Variants in AFAP1L2 observed in about 807,000 individuals in gnomAD.
The protein encoded by AFAP1L2 is actin filament-associated protein 1-like 2.
A neutral mutation model predicts 99.3 loss-of-function variants in AFAP1L2; 46 were observed. That is an observed-to-expected ratio of 0.46 (90% CI 0.37 to 0.59). The LOEUF is 0.59. Ranked by LOEUF, AFAP1L2 falls within the 20% of genes least tolerant of loss-of-function variation. The pLI is 0.00. For synonymous variants in AFAP1L2, 397 were observed against 419.1 expected, an observed-to-expected ratio of 0.95 and a Z score of 0.64; for missense variants, 959 against 1,034.9, an observed-to-expected ratio of 0.93 and a Z score of 1.01.
intron 5 of AFAP1L2, among the ~76,000 whole-genome samples, chr10:114,319,064 G>T (rs2044649722): frequency 6.6e-6 from 1 of 152,118 alleles, no homozygotes; most frequent in South Asian, 2.1e-4. Flanking sequence ...GGAGACAGGA[G>T]AATCCCTTGA....
chr10:114,316,798 T>C (rs1275559737), intron 5 of AFAP1L2, among the ~76,000 whole-genome samples: 2 of 152,198 alleles, frequency 1.3e-5, no homozygotes, highest in African/African-American at 4.8e-5. Flanking sequence ...AAGCAGGACA[T>C]GGAGGAAAGG....
At chr10:114,360,036 A>G (rs1166115802) in intron 1 of AFAP1L2, among the ~76,000 whole-genome samples, 1 of 152,240 alleles carries the variant, frequency 6.6e-6, no homozygotes, top group Admixed American at 6.5e-5. Flanking sequence ...CAGGGTGCCC[A>G]GGCATTTGGT....
Position 114,295,857 on chromosome 10 carries a change from A to ATTAT in AFAP1L2, c.*181_*184dup. ...TCCAAAGAAGCCTCCTTTTTGTTGT[A>ATTAT]TTATTTCCTTTGGCTCTGAAAAGGG... On this transcript the variant is annotated 3_prime_UTR_variant, in exon 19 of 19. Coordinates refer to ENST00000304129, the MANE Select transcript of AFAP1L2 (RefSeq NM_001001936.3). 27 of 1,434,792 alleles carry ATTAT rather than the reference A, an allele frequency of 1.9e-5. No individual in the cohort carries two copies. The highest frequency in any genetic ancestry group is 2.5e-5 in the Non-Finnish European group (27 of 1,098,088). The allele number at this position is 1,434,792 out of a possible 1,614,324, so 88.9% of individuals were successfully genotyped here.
chr10:114,351,899 T>C (rs2050557771), intron 1 of AFAP1L2, among the ~76,000 whole-genome samples: 2 of 152,176 alleles, frequency 1.3e-5, no homozygotes, highest in Admixed American at 6.5e-5. Context: ...CTTGGCTCAC[T>C]CTTGGCTGCA....
At chr10:114,296,405 T>G (rs1034224579) in intron 18 of AFAP1L2, 1 of 318,766 alleles carries the variant, frequency 3.1e-6, no homozygotes, top group African/African-American at 2.1e-5. Flanking sequence ...GAGCAGAATT[T>G]GCCAAAAGCA....
chr10:114,396,521 C>T (rs934080187), intron 1 of AFAP1L2, among the ~76,000 whole-genome samples: 10 of 152,128 alleles, frequency 6.6e-5, no homozygotes, highest in African/African-American at 1.9e-4. Flanking sequence ...TGTGTTATTT[C>T]GATAAATCAT....
rs758281865 is a variant in AFAP1L2 at position 114,301,354 on chromosome 10, C to T, written c.1542G>A (p.Ala514=). Residue 514 remains alanine, a splice_region_variant and synonymous_variant, in exon 13 of 19, where the codon GCG becomes GCA. Coordinates refer to ENST00000304129, the MANE Select transcript of AFAP1L2 (RefSeq NM_001001936.3). The part of the protein sequence containing the change: ...DDVDLSELTA[A]VEPTEEATPV... ...GGCCACTGCCTGGCCGGGTCCTTACCGCAGCTGTGAGCTCTGACAGGTCCA... is the reference window on the plus strand; with the variant it reads ...GGCCACTGCCTGGCCGGGTCCTTACTGCAGCTGTGAGCTCTGACAGGTCCA... 3.0e-5 allele frequency: 48 copies of T among 1,613,284 alleles called. No homozygotes were observed. The highest frequency in any genetic ancestry group is 3.3e-5 in the Non-Finnish European group (39 of 1,179,316).
the AFAP1L2 span, chr10:114,286,141 C>T: frequency 1.2e-6 from 2 of 1,614,082 alleles, no homozygotes; most frequent in South Asian, 1.1e-5. Flanking sequence ...TGGGGGAGTA[C>T]CAGGATGTGC....
the AFAP1L2 span, chr10:114,284,866 C>A: frequency 7.5e-6 from 12 of 1,607,722 alleles, no homozygotes; most frequent in Non-Finnish European, 9.3e-6. Flanking sequence ...CTGATAGGCC[C>A]CTGTGACTCG....
intron 1 of AFAP1L2, among the ~76,000 whole-genome samples, chr10:114,381,410 G>T (rs1271649220): frequency 6.6e-6 from 1 of 152,130 alleles, no homozygotes; most frequent in Non-Finnish European, 1.5e-5. Flanking sequence ...ATGAAGGGGT[G>T]ATCAATAAAA....
At chr10:114,364,056 CTAGT>C (rs1403061912) in intron 1 of AFAP1L2, among the ~76,000 whole-genome samples, 2 of 152,196 alleles carry the variant, frequency 1.3e-5, no homozygotes, top group Non-Finnish European at 2.9e-5. Flanking sequence ...TGCTGTGGGG[CTAGT>C]TAAAGGTTAA....
At chr10:114,385,254 G>C (rs1434346995) in intron 1 of AFAP1L2, among the ~76,000 whole-genome samples, 1 of 152,158 alleles carries the variant, frequency 6.6e-6, no homozygotes, top group Non-Finnish European at 1.5e-5. Context: ...CGTTTTAGGA[G>C]AGGCTATTTC....
intron 1 of AFAP1L2, among the ~76,000 whole-genome samples, chr10:114,367,830 GCA>G (rs2053512070): frequency 6.6e-6 from 1 of 152,140 alleles, no homozygotes; most frequent in Admixed American, 6.6e-5. Context: ...ATGGGAAGGC[GCA>G]CACAAATTTA....
chr10:114,310,391 T>A lies in AFAP1L2; in HGVS notation c.845A>T (p.Gln282Leu). 1 of 1,614,002 alleles carries A rather than the reference T, an allele frequency of 6.2e-7. No homozygotes were observed. The change falls in exon 8 of 19, where the codon CAG (glutamine) becomes CTG (leucine). Residue 282 changes from glutamine (Q) to leucine (L), a missense_variant. Around this residue, in one of 2 missense-constraint regions of AFAP1L2, gnomAD observed 383 missense variants for 472.8 expected, o/e 0.81. Transcript: ENST00000304129. ...LPSEGASEGNQYTPDAQRFNC... is the reference protein window; with the variant it reads ...LPSEGASEGNLYTPDAQRFNC... ...AAAGCGCTGGGCATCCGGGGTGTAC[T>A]GGTTTCCTTCAGATGCTCCTTCGGA...
intron 4 of AFAP1L2, among the ~76,000 whole-genome samples, chr10:114,326,274 C>T (rs759159754): frequency 2.6e-5 from 4 of 152,158 alleles, no homozygotes; most frequent in Admixed American, 1.3e-4. Flanking sequence ...CTTCAGGCAC[C>T]GTTTTCTCCC....
At chr10:114,326,846 T>C (rs1443074063) in intron 4 of AFAP1L2, among the ~76,000 whole-genome samples, 2 of 152,006 alleles carry the variant, frequency 1.3e-5, no homozygotes, top group African/African-American at 2.4e-5. Context: ...CAATACATAT[T>C]AGTTTTTACT....
rs184418178 is a variant in AFAP1L2 at position 114,358,827 on chromosome 10, A to G, written c.17-18096T>C. Among the ~76,000 whole-genome samples, 9 of 152,282 alleles carry G rather than the reference A, an allele frequency of 5.9e-5. No homozygotes were observed. The East Asian group carries it at 1.7e-3, about 29-fold the overall frequency. The stretch of plus-strand genomic sequence containing the variant: ...CTACTGGGGAAGCTGAGGCAGGAGA[A>G]TCGCTTGAACCCGGGAGGTGGAGGT... On this transcript the variant is annotated intron_variant, in intron 1 of 18. Coordinates refer to ENST00000304129, the MANE Select transcript of AFAP1L2 (RefSeq NM_001001936.3).
intron 2 of AFAP1L2, 93 bp from the exon 3 acceptor site, chr10:114,333,388 T>C (rs571742781): frequency 2.1e-6 from 2 of 956,734 alleles, no homozygotes; most frequent in South Asian, 2.7e-5. Context: ...TGTTTTCATC[T>C]GCCTAGGTTC....
the AFAP1L2 span, chr10:114,285,910 G>T: frequency 6.4e-7 from 1 of 1,554,356 alleles, no homozygotes; most frequent in South Asian, 1.2e-5. Flanking sequence ...ACCATGGCTT[G>T]ACAGTGGGTG....
Sources: allele counts gnomAD v4.1 joint callset (sites outside exome capture counted in the v4.1 genomes callset), GRCh38; gene constraint gnomAD v4.1.1; regional missense constraint gnomAD v4.1.1; transcripts MANE v1.5; gene names NCBI Gene and HGNC (gene_info 2026-07-23, HGNC 2026-07-21).